The following TENM3 variants were observed in gnomAD, a reference collection of about 807,000 sequenced individuals.
TENM3 encodes the protein teneurin-3.
A neutral mutation model predicts 255.1 loss-of-function variants in TENM3; 63 were observed. The ratio of observed to expected loss-of-function variants is 0.25; its 90% CI spans 0.20 to 0.30. The LOEUF is 0.30. Among genes scored for constraint, TENM3 ranks in the 10% least tolerant of loss-of-function variants. The pLI, the probability that TENM3 is intolerant of heterozygous loss-of-function variation, is 1.00. For synonymous variants in TENM3, 1,306 were observed against 1,322.3 expected, an observed-to-expected ratio of 0.99 and a Z score of 0.27; for missense variants, 2,929 against 3,461.1, an observed-to-expected ratio of 0.85 and a Z score of 3.86.
the TENM3 span, among the ~76,000 whole-genome samples, chr4:181,920,936 T>G: frequency 6.6e-6 from 1 of 152,252 alleles, no homozygotes; most frequent in African/African-American, 2.4e-5. Context: ...GGATCCAGGT[T>G]CAGCTTTCTC....
intron 1 of TENM3, among the ~76,000 whole-genome samples, chr4:182,293,703 G>A (rs1308807510): frequency 6.6e-6 from 1 of 152,038 alleles, no homozygotes; most frequent in Non-Finnish European, 1.5e-5. Context: ...CCTTTCTACT[G>A]TTCTCCAACA....
At chr4:182,384,722 C>G (rs1295229701) in intron 3 of TENM3, among the ~76,000 whole-genome samples, 2 of 152,106 alleles carry the variant, frequency 1.3e-5, no homozygotes, top group Admixed American at 6.6e-5. Flanking sequence ...CTTGTCTCTG[C>G]GATTTCCTGC....
intron 3 of TENM3, among the ~76,000 whole-genome samples, chr4:182,452,882 A>G (rs1773581636): frequency 6.6e-6 from 1 of 152,124 alleles, no homozygotes; most frequent in African/African-American, 2.4e-5. Flanking sequence ...AGTTATTCTA[A>G]TACTCATTTT....
intron 10 of TENM3, 130 bp from the exon 11 acceptor site, chr4:182,681,684 C>T: frequency 1.5e-6 from 1 of 685,576 alleles, no homozygotes; most frequent in South Asian, 2.0e-5. Context: ...GAAACAAGTT[C>T]TTGAAAATGG....
At chr4:182,720,284 G>A (rs1040754288) in intron 13 of TENM3, among the ~76,000 whole-genome samples, 3 of 134,120 alleles carry the variant, frequency 2.2e-5, no homozygotes, top group African/African-American at 8.9e-5. Context: ...GGACTATTAT[G>A]TTCTCTAAAA....
At chr4:181,629,750 G>A in the TENM3 span, among the ~76,000 whole-genome samples, 1 of 152,160 alleles carries the variant, frequency 6.6e-6, no homozygotes, top group Admixed American at 6.5e-5. Context: ...GTATTTTATT[G>A]AGGATTTTTG....
At chr4:182,501,587 T>C in intron 3 of TENM3, among the ~76,000 whole-genome samples, 1 of 152,158 alleles carries the variant, frequency 6.6e-6, no homozygotes, top group East Asian at 1.9e-4. Flanking sequence ...CCCCATCCCA[T>C]TTCCTTATCC....
At chr4:181,605,594 AAAG>A in the TENM3 span, among the ~76,000 whole-genome samples, 4 of 117,720 alleles carry the variant, frequency 3.4e-5, no homozygotes, top group African/African-American at 9.7e-5. Context: ...GGAAAGAAAG[AAAG>A]AAAGAAAGAA....
the TENM3 span, among the ~76,000 whole-genome samples, chr4:181,601,354 CAAATTG>C: frequency 6.6e-6 from 1 of 152,144 alleles, no homozygotes; most frequent in African/African-American, 2.4e-5. Flanking sequence ...GTGACTTAAA[CAAATTG>C]AAATTTATTT....
At chr4:182,056,830 G>C in the TENM3 span, among the ~76,000 whole-genome samples, 1 of 151,922 alleles carries the variant, frequency 6.6e-6, no homozygotes, top group Non-Finnish European at 1.5e-5. Flanking sequence ...GGAGGTGGGT[G>C]GGGGATAACA....
At chr4:181,914,335 C>T in the TENM3 span, among the ~76,000 whole-genome samples, 1 of 152,164 alleles carries the variant, frequency 6.6e-6, no homozygotes, top group African/African-American at 2.4e-5. Flanking sequence ...GCCTCACAAC[C>T]TATCTCAGGT....
At chr4:182,258,206 C>A (rs1254763797) in intron 1 of TENM3, among the ~76,000 whole-genome samples, 1 of 151,918 alleles carries the variant, frequency 6.6e-6, no homozygotes, top group Non-Finnish European at 1.5e-5. Context: ...TAAATTAAAT[C>A]CTACTATATC....
the TENM3 span, among the ~76,000 whole-genome samples, chr4:182,087,377 C>G: frequency 6.6e-6 from 1 of 152,096 alleles, no homozygotes; most frequent in Non-Finnish European, 1.5e-5. Flanking sequence ...GACACAAAAC[C>G]CTTACTGTGT....
chr4:181,456,628 G>T, the TENM3 span, among the ~76,000 whole-genome samples: 1 of 151,980 alleles, frequency 6.6e-6, no homozygotes, highest in Admixed American at 6.6e-5. Context: ...GGCAATACTG[G>T]TGCTGTGATT....
chr4:182,054,665 T>C, the TENM3 span, among the ~76,000 whole-genome samples: 1 of 152,178 alleles, frequency 6.6e-6, no homozygotes, highest in East Asian at 1.9e-4. Flanking sequence ...TGATTGGTTA[T>C]AACATGAAGG....
At chr4:182,022,457 G>T in the TENM3 span, among the ~76,000 whole-genome samples, 3 of 150,890 alleles carry the variant, frequency 2.0e-5, no homozygotes, top group Admixed American at 6.6e-5. Flanking sequence ...GAGGTGATGC[G>T]TTCATTAGGA....
At chr4:181,487,474 C>T in the TENM3 span, among the ~76,000 whole-genome samples, 428 of 152,236 alleles carry the variant, frequency 2.8e-3, 1 homozygote, top group African/African-American at 9.7e-3. Context: ...GGCCCTCTTC[C>T]TGGTTAACAG....
At chr4:182,721,400 C>T (rs914007276) in intron 13 of TENM3, among the ~76,000 whole-genome samples, 4 of 151,982 alleles carry the variant, frequency 2.6e-5, no homozygotes. Context: ...TTTTCATGCC[C>T]GTACACATAG....
At chr4:181,967,980 G>A in the TENM3 span, among the ~76,000 whole-genome samples, 1 of 152,024 alleles carries the variant, frequency 6.6e-6, no homozygotes, top group Non-Finnish European at 1.5e-5. Context: ...AGTGTGCATC[G>A]CCCTCACTGA....
Sources: allele counts gnomAD v4.1 joint callset (sites outside exome capture counted in the v4.1 genomes callset), GRCh38; gene constraint gnomAD v4.1.1; transcripts MANE v1.5; gene names NCBI Gene and HGNC (gene_info 2026-07-23, HGNC 2026-07-21).